Variants in LRP1B observed in about 807,000 individuals in gnomAD.
LRP1B encodes low-density lipoprotein receptor-related protein 1B.
Under a neutral mutation model 556.6 loss-of-function variants are expected in LRP1B, and 217 were observed. The ratio of observed to expected loss-of-function variants is 0.39; its 90% CI spans 0.35 to 0.44. The LOEUF (loss-of-function observed/expected upper bound fraction) is 0.44, where lower values mean the gene tolerates loss of function less well. Among genes scored for constraint, LRP1B ranks in the 20% least tolerant of loss-of-function variants. The probability of loss-of-function intolerance (pLI) is 1.00; values close to 1 mark genes in which losing one functional copy is unlikely to be tolerated. For missense variants in LRP1B, 5,053 were observed against 5,620.8 expected (o/e 0.90, Z 3.23); for synonymous variants, 2,047 against 1,865.8 (o/e 1.10, Z -2.50).
chr2:141,301,709 T>C (rs1686402163), intron 3 of LRP1B, among the ~76,000 whole-genome samples: 1 of 152,188 alleles, frequency 6.6e-6, no homozygotes, highest in South Asian at 2.1e-4. Flanking sequence ...CAGGAGTATA[T>C]ACTGGGTATC....
Position 140,700,295 on chromosome 2 carries a change from G to A in LRP1B, c.6754C>T (p.Gln2252Ter), listed in dbSNP as rs569486600. ...TCTTCCCAGTTGTCTTTAATAAGCT[G>A]TATATTTCCAAAGTGTGCATCACTG... ...FYSDAHFGNI[Q>*]LIKDNWEDRQ... Residue 2252 changes from glutamine (Q) to a stop codon, truncating the protein, a stop_gained, in exon 41 of 91, where the codon CAG becomes TAG. Transcript: ENST00000389484. LOFTEE classifies it high-confidence loss of function. 6.2e-7 allele frequency: 1 copy of A among 1,612,052 alleles called. No homozygotes were observed. Among genetic ancestry groups the A allele is most frequent in the Non-Finnish European group, 8.5e-7 (1 of 1,178,876 alleles).
chr2:141,609,942 G>T (rs1286259628), intron 2 of LRP1B, among the ~76,000 whole-genome samples: 1 of 152,194 alleles, frequency 6.6e-6, no homozygotes, highest in African/African-American at 2.4e-5. Flanking sequence ...TAACAGTACA[G>T]TACTAAAATG....
At chr2:140,494,299 T>C (rs886412547) in intron 56 of LRP1B, among the ~76,000 whole-genome samples, 2 of 152,198 alleles carry the variant, frequency 1.3e-5, no homozygotes, top group Non-Finnish European at 2.9e-5. Flanking sequence ...TGGTCATTTG[T>C]ATGATTTAAT....
At chr2:141,237,330 C>T (rs1005179072) in intron 5 of LRP1B, among the ~76,000 whole-genome samples, 3 of 141,872 alleles carry the variant, frequency 2.1e-5, no homozygotes, top group Non-Finnish European at 3.1e-5. Context: ...TGTTTTTTAT[C>T]TTGTTTTGTT....
Position 140,861,144 on chromosome 2 carries a change from C to T in LRP1B, c.4579+6446G>A, listed in dbSNP as rs540297700. ...TAATGTGGCCGGGCGCAGTGGCTCA[C>T]GCCTGTAATCCCAGAACTTTGGGAA... On this transcript the variant is annotated intron_variant, in intron 27 of 90. Coordinates refer to ENST00000389484, the MANE Select transcript of LRP1B (RefSeq NM_018557.3). Among the ~76,000 whole-genome samples, 6 of 152,258 alleles carry T rather than the reference C, an allele frequency of 3.9e-5. No individual in the cohort carries two copies. The South Asian group carries it at 1.0e-3, about 26-fold the overall frequency.
chr2:140,724,676 G>A (rs1266671519), intron 35 of LRP1B, among the ~76,000 whole-genome samples: 1 of 152,060 alleles, frequency 6.6e-6, no homozygotes, highest in Non-Finnish European at 1.5e-5. Context: ...GAAAGATGCT[G>A]GAATTTTGTT....
chr2:141,735,920 C>T (rs113645252), intron 2 of LRP1B, among the ~76,000 whole-genome samples: 187 of 152,214 alleles, frequency 1.2e-3, no homozygotes, highest in African/African-American at 4.2e-3. Flanking sequence ...AGTAGAGAAA[C>T]TCTGTTTGTT....
chr2:141,610,190 A>T (rs2105320922), intron 2 of LRP1B, among the ~76,000 whole-genome samples: 1 of 135,804 alleles, frequency 7.4e-6, no homozygotes, highest in South Asian at 2.4e-4. Context: ...GGGGGGAGGG[A>T]TAGCATTAGG....
At chr2:140,287,641 TAAAA>T (rs34500444) in intron 84 of LRP1B, among the ~76,000 whole-genome samples, 12 of 135,256 alleles carry the variant, frequency 8.9e-5, no homozygotes, top group Admixed American at 1.5e-4. Context: ...ATATTGCAAG[TAAAA>T]AAAAAAAAAA....
chr2:140,764,028 T>C (rs1252312559), intron 35 of LRP1B, among the ~76,000 whole-genome samples: 1 of 152,140 alleles, frequency 6.6e-6, no homozygotes, highest in Non-Finnish European at 1.5e-5. Context: ...AAAGCAACAA[T>C]ATTATATTTC....
chr2:140,493,043 TA>T (rs2104864904), intron 56 of LRP1B, among the ~76,000 whole-genome samples: 2 of 152,280 alleles, frequency 1.3e-5, no homozygotes, highest in Admixed American at 1.3e-4. Context: ...CTTAGAAACC[TA>T]CAGTACAGCT....
chr2:141,408,437 C>G (rs908315975), intron 3 of LRP1B, among the ~76,000 whole-genome samples: 3 of 152,080 alleles, frequency 2.0e-5, no homozygotes, highest in African/African-American at 7.2e-5. Context: ...AGCCACCACA[C>G]CTGGCCAGGT....
At chr2:140,369,960 T>A (rs651125) in intron 71 of LRP1B, among the ~76,000 whole-genome samples, 79,140 of 151,716 alleles carry the variant, frequency 0.52, 20,935 homozygotes, top group Non-Finnish European at 0.57. Context: ...GGTCACAAGA[T>A]ATCTTGTATT....
At chr2:141,750,938 T>C (rs1694088500) in intron 2 of LRP1B, among the ~76,000 whole-genome samples, 1 of 152,042 alleles carries the variant, frequency 6.6e-6, no homozygotes, top group African/African-American at 2.4e-5. Flanking sequence ...GATAAAACCT[T>C]TACAGTATGT....
chr2:140,964,637 T>C (rs1696144213), intron 18 of LRP1B, among the ~76,000 whole-genome samples: 1 of 150,510 alleles, frequency 6.6e-6, no homozygotes, highest in African/African-American at 2.5e-5. Context: ...TGGCCTGGTT[T>C]TTCCTAGGCT....
intron 32 of LRP1B, among the ~76,000 whole-genome samples, chr2:140,804,547 T>C (rs1559129280): frequency 6.6e-6 from 1 of 151,698 alleles, no homozygotes. Flanking sequence ...TTATTTATTA[T>C]ACCAAGTGAT....
At chr2:140,855,850 A>C (rs998953144) in intron 27 of LRP1B, among the ~76,000 whole-genome samples, 3 of 152,142 alleles carry the variant, frequency 2.0e-5, no homozygotes, top group Non-Finnish European at 4.4e-5. Flanking sequence ...CAAAAAACAA[A>C]ACAGAAATCA....
At chr2:140,575,928 C>CA (rs1170073028) in intron 43 of LRP1B, among the ~76,000 whole-genome samples, 12 of 146,372 alleles carry the variant, frequency 8.2e-5, no homozygotes, top group Non-Finnish European at 1.7e-4. Flanking sequence ...CTCAAAAAAA[C>CA]AAAAAACAAA....
intron 1 of LRP1B, among the ~76,000 whole-genome samples, chr2:141,955,239 C>T (rs1701213451): frequency 6.6e-6 from 1 of 152,092 alleles, no homozygotes; most frequent in African/African-American, 2.4e-5. Context: ...TAACCTCTCT[C>T]CTAAATTTGT....
Sources: allele counts gnomAD v4.1 joint callset (sites outside exome capture counted in the v4.1 genomes callset), GRCh38; gene constraint gnomAD v4.1.1; transcripts MANE v1.5; gene names NCBI Gene and HGNC (gene_info 2026-07-23, HGNC 2026-07-21).